Variants in DLGAP1 observed in about 807,000 individuals in gnomAD.
DLGAP1 encodes DLG associated protein 1, also known as disks large-associated protein 1.
A neutral mutation model predicts 90.8 loss-of-function variants in DLGAP1; 11 were observed. That is an observed-to-expected ratio of 0.12 (90% CI 0.08 to 0.20). The LOEUF is 0.20. Among genes scored for constraint, DLGAP1 ranks in the 10% least tolerant of loss-of-function variants. DLGAP1 has a pLI of 1.00. For missense variants in DLGAP1, 1,050 were observed against 1,333.8 expected (o/e 0.79, Z 3.31); for synonymous variants, 558 against 540.7 (o/e 1.03, Z -0.44).
At chr18:4,375,106 T>C (rs2081989260) in intron 1 of DLGAP1, among the ~76,000 whole-genome samples, 1 of 152,160 alleles carries the variant, frequency 6.6e-6, no homozygotes, top group Non-Finnish European at 1.5e-5. Context: ...ATTTGAGCAC[T>C]CTATGATTGC....
At chr18:4,261,195 T>C (rs559641721) in intron 1 of DLGAP1, among the ~76,000 whole-genome samples, 22 of 152,256 alleles carry the variant, frequency 1.4e-4, no homozygotes, top group African/African-American at 4.6e-4. Flanking sequence ...AGAAAGGGAA[T>C]AGCTGCTGTG....
chr18:4,263,752 A>C (rs973291550), intron 1 of DLGAP1, among the ~76,000 whole-genome samples: 1 of 152,230 alleles, frequency 6.6e-6, no homozygotes, highest in Non-Finnish European at 1.5e-5. Flanking sequence ...GTTGCCATCA[A>C]ATTCAATAGG....
intron 1 of DLGAP1, among the ~76,000 whole-genome samples, chr18:4,404,085 C>T (rs191799638): frequency 6.6e-6 from 1 of 152,284 alleles, no homozygotes; most frequent in African/African-American, 2.4e-5. Context: ...ACACCAAAGT[C>T]ACAGGACTTT....
In DLGAP1 at chr18:4,167,329, C is replaced by G. The variant is rs536147352; in HGVS notation, c.-266-16042G>C. ...AATTCAATAGAAAAAATATATCATG[C>G]AAACACTAATTAAAAAATAGGTGTG... On this transcript the variant is annotated intron_variant, in intron 1 of 12. Coordinates refer to ENST00000315677, the MANE Select transcript of DLGAP1 (RefSeq NM_004746.4). Among the ~76,000 whole-genome samples, 5 of 152,098 alleles carry G rather than the reference C, an allele frequency of 3.3e-5. No individual in the cohort carries two copies. In the East Asian group the frequency reaches 7.7e-4, roughly 23 times the overall value.
At position 3,660,210 on chromosome 18, in the gene DLGAP1, T is replaced by G. The variant is rs1313022458; in HGVS notation, c.1591+68925A>C. ...AGGATTGGGGGTGGGGGTCTCACTT[T>G]GTTGGCCAGCCTGGCCTTGAACTTC... is the stretch of plus-strand genomic sequence containing the variant. On this transcript the variant is annotated intron_variant, in intron 7 of 12. Transcript: ENST00000315677. This position sits in a 1 kb window ranked among gnomAD's most constrained non-coding sequence, Gnocchi z 4.2. 6.6e-6 allele frequency among the ~76,000 whole-genome samples: 1 copy of G among 152,242 alleles called. No homozygotes were observed.
At chr18:4,303,503 G>A (rs374088925) in intron 1 of DLGAP1, among the ~76,000 whole-genome samples, 1 of 152,166 alleles carries the variant, frequency 6.6e-6, no homozygotes, top group Admixed American at 6.5e-5. Flanking sequence ...GCCCTAGGAT[G>A]CTAGTCCCCA....
chr18:4,372,064 C>G (rs1054513144), intron 1 of DLGAP1, among the ~76,000 whole-genome samples: 1 of 152,212 alleles, frequency 6.6e-6, no homozygotes, highest in Non-Finnish European at 1.5e-5. Context: ...CAAAGATATT[C>G]TTAAAAGCCA....
chr18:4,259,801 T>G (rs1249121888), intron 1 of DLGAP1, among the ~76,000 whole-genome samples: 1 of 152,204 alleles, frequency 6.6e-6, no homozygotes, highest in Non-Finnish European at 1.5e-5. Context: ...TATTGTGCCC[T>G]TAGAGAGAGG....
intron 3 of DLGAP1, among the ~76,000 whole-genome samples, chr18:3,962,720 T>C (rs937877689): frequency 6.6e-6 from 1 of 152,224 alleles, no homozygotes; most frequent in South Asian, 2.1e-4. Flanking sequence ...AGGACATTTA[T>C]TCTTTAGTTG....
chr18:3,656,819 T>C (rs374320787), intron 7 of DLGAP1, among the ~76,000 whole-genome samples: 23 of 152,034 alleles, frequency 1.5e-4, no homozygotes, highest in African/African-American at 5.6e-4. Flanking sequence ...GGATCTCGGC[T>C]CACTGCAACC....
intron 4 of DLGAP1, among the ~76,000 whole-genome samples, chr18:3,851,184 TC>T (rs1280474521): frequency 6.6e-6 from 1 of 152,010 alleles, no homozygotes; most frequent in African/African-American, 2.4e-5. Flanking sequence ...GAATATCCAC[TC>T]CCCAAAAGTA....
chr18:4,366,668 T>C, intron 1 of DLGAP1, among the ~76,000 whole-genome samples: 1 of 151,916 alleles, frequency 6.6e-6, no homozygotes, highest in Non-Finnish European at 1.5e-5. Context: ...CTTCTACAGA[T>C]AAATCAATTT....
At chr18:3,624,827 A>G (rs1377790887) in intron 7 of DLGAP1, among the ~76,000 whole-genome samples, 1 of 152,098 alleles carries the variant, frequency 6.6e-6, no homozygotes, top group African/African-American at 2.4e-5. Flanking sequence ...ACCCAGGGGG[A>G]ATCTCAAGAG....
At chr18:4,142,878 G>C in intron 2 of DLGAP1, among the ~76,000 whole-genome samples, 1 of 152,192 alleles carries the variant, frequency 6.6e-6, no homozygotes, top group East Asian at 1.9e-4. Flanking sequence ...CAGAGGTGCT[G>C]CCTTGGTGGT....
chr18:3,741,073 C>T (rs1460294077), intron 6 of DLGAP1, among the ~76,000 whole-genome samples: 8 of 115,688 alleles, frequency 6.9e-5, no homozygotes, highest in Non-Finnish European at 9.5e-5. Flanking sequence ...ACCACCACCA[C>T]CACCACCATC....
intron 5 of DLGAP1, among the ~76,000 whole-genome samples, chr18:3,759,039 G>C (rs2063836377): frequency 6.6e-6 from 1 of 152,104 alleles, no homozygotes; most frequent in South Asian, 2.1e-4. Context: ...AACTCCTATA[G>C]ACCCCTTCTA....
intron 9 of DLGAP1, among the ~76,000 whole-genome samples, chr18:3,537,864 T>C (rs980802317): frequency 6.6e-6 from 1 of 152,214 alleles, no homozygotes; most frequent in Non-Finnish European, 1.5e-5. Context: ...TAGCTCATGA[T>C]TGTGCCATTT....
At chr18:3,675,447 C>T (rs191374767) in intron 7 of DLGAP1, among the ~76,000 whole-genome samples, 86 of 152,340 alleles carry the variant, frequency 5.6e-4, no homozygotes, top group Non-Finnish European at 1.1e-3. Context: ...AACTGACACT[C>T]AGATCCAGCA....
At chr18:4,376,500 T>C (rs1313451996) in intron 1 of DLGAP1, among the ~76,000 whole-genome samples, 1 of 152,198 alleles carries the variant, frequency 6.6e-6, no homozygotes, top group Admixed American at 6.6e-5. Context: ...CAACCACAGA[T>C]AATAGGCATC....
Sources: gnomAD v4.1 joint callset for allele counts (sites outside exome capture counted in the v4.1 genomes callset) on GRCh38, gnomAD v4.1.1 for gene constraint, Gnocchi (gnomAD v3.1) non-coding constraint, MANE v1.5 for transcripts, NCBI Gene and HGNC (gene_info 2026-07-23, HGNC 2026-07-21) for gene names.